OXR1: variants seen among roughly 807,000 people sequenced by gnomAD.
OXR1 encodes oxidation resistance protein 1.
OXR1 carries 41 observed loss-of-function variants against 104.6 expected under a neutral mutation model. That is an observed-to-expected ratio of 0.39 (90% CI 0.31 to 0.51). The LOEUF (loss-of-function observed/expected upper bound fraction) is 0.51, where lower values mean the gene tolerates loss of function less well. Among genes scored for constraint, OXR1 ranks in the 20% least tolerant of loss-of-function variants. The pLI is 0.77. For missense variants in OXR1, 955 were observed against 1,031.9 expected (o/e 0.93, Z 1.02); for synonymous variants, 348 against 348.4 (o/e 1.00, Z 0.01).
At chr8:106,280,530 A>G (rs908231651) in intron 1 of OXR1, among the ~76,000 whole-genome samples, 1 of 152,114 alleles carries the variant, frequency 6.6e-6, no homozygotes, top group East Asian at 1.9e-4. Flanking sequence ...CTCTGACTCA[A>G]ATTCATAGAG....
chr8:106,436,461 T>A (rs1280689329), intron 2 of OXR1, among the ~76,000 whole-genome samples: 5 of 151,732 alleles, frequency 3.3e-5, no homozygotes, highest in Non-Finnish European at 7.4e-5. Flanking sequence ...AAGAGTTTTA[T>A]GAATATGAGC....
intron 3 of OXR1, among the ~76,000 whole-genome samples, chr8:106,547,142 G>GCCT (rs1295157330): frequency 1.3e-5 from 2 of 152,106 alleles, no homozygotes; most frequent in Non-Finnish European, 2.9e-5. Flanking sequence ...ACCCGCCTCA[G>GCCT]CCTCCCAAAG....
chr8:106,707,543 T>A (rs1406237176), intron 9 of OXR1: 4 of 307,196 alleles, frequency 1.3e-5, no homozygotes. Flanking sequence ...GCCAAAGTTG[T>A]AATCCCATCT....
At chr8:106,426,614 A>G (rs1252002918) in intron 2 of OXR1, among the ~76,000 whole-genome samples, 1 of 152,196 alleles carries the variant, frequency 6.6e-6, no homozygotes, top group African/African-American at 2.4e-5. Context: ...TGAAGACCCT[A>G]GATACAGGTT....
chr8:106,474,032 C>T (rs1052747817), intron 2 of OXR1, among the ~76,000 whole-genome samples: 5 of 144,926 alleles, frequency 3.5e-5, no homozygotes, highest in East Asian at 4.0e-4. Context: ...CACACACACA[C>T]ACACACACAC....
chr8:106,583,370 T>TTGCTAAACACTTAACC (rs1406779330), intron 3 of OXR1, among the ~76,000 whole-genome samples: 18 of 152,304 alleles, frequency 1.2e-4, no homozygotes, highest in African/African-American at 4.3e-4. Context: ...AAGCCAATGC[T>TTGCTAAACACTTAACC]TGCTAAACAC....
chr8:106,467,457 C>A (rs373673835), intron 2 of OXR1, among the ~76,000 whole-genome samples: 1 of 151,790 alleles, frequency 6.6e-6, no homozygotes, highest in East Asian at 1.9e-4. Context: ...GAGCTTTATT[C>A]CTGGTGGCTT....
At chr8:106,640,827 C>T (rs1299022951) in intron 3 of OXR1, among the ~76,000 whole-genome samples, 1 of 152,044 alleles carries the variant, frequency 6.6e-6, no homozygotes, top group Non-Finnish European at 1.5e-5. Flanking sequence ...TTAACAAATA[C>T]ACCCTATGTT....
intron 1 of OXR1, among the ~76,000 whole-genome samples, chr8:106,299,847 G>T (rs1016373518): frequency 1.3e-5 from 2 of 152,116 alleles, no homozygotes; most frequent in African/African-American, 2.4e-5. Flanking sequence ...ACACATTGAT[G>T]AAGGACTATA....
chr8:106,507,663 AGACTTGAAGTGATGT>A (rs1812260122), intron 2 of OXR1, among the ~76,000 whole-genome samples: 1 of 152,182 alleles, frequency 6.6e-6, no homozygotes, highest in African/African-American at 2.4e-5. Context: ...ACAGAGAAAC[AGACTTGAAGTGATGT>A]GAAGTGTTTG....
intron 3 of OXR1, among the ~76,000 whole-genome samples, chr8:106,564,672 A>T (rs1816943361): frequency 6.6e-6 from 1 of 152,058 alleles, no homozygotes; most frequent in East Asian, 1.9e-4. Flanking sequence ...CTGGCAGAGA[A>T]AAAACATAAA....
intron 3 of OXR1, among the ~76,000 whole-genome samples, chr8:106,578,263 T>G (rs1817994822): frequency 6.6e-6 from 1 of 152,216 alleles, no homozygotes; most frequent in Admixed American, 6.5e-5. Context: ...CCTGAGTCAG[T>G]AGCTGTTTTC....
chr8:106,372,384 T>C (rs1816746745), intron 2 of OXR1, among the ~76,000 whole-genome samples: 1 of 151,888 alleles, frequency 6.6e-6, no homozygotes, highest in South Asian at 2.1e-4. Context: ...TGGTTGCTGG[T>C]AAAGAATTCA....
intron 3 of OXR1, among the ~76,000 whole-genome samples, chr8:106,530,129 C>T (rs894291961): frequency 6.6e-6 from 1 of 152,152 alleles, no homozygotes; most frequent in African/African-American, 2.4e-5. Context: ...GCGATTTGAA[C>T]AGTGAAGTAA....
rs1815569257 is a variant in OXR1 at position 106,548,719 on chromosome 8, A to G, written c.220+29580A>G. ...ATGAAGTAGTTTGGAGGGAATGGCT[A>G]CATATAAAGGAGTGCTCAGCATATT... On this transcript the variant is annotated intron_variant, in intron 3 of 16. Transcript: ENST00000517566. 2.6e-5 allele frequency among the ~76,000 whole-genome samples: 4 copies of G among 152,218 alleles called. No individual in the cohort carries two copies. In the South Asian group the frequency reaches 8.3e-4, roughly 32 times the overall value.
Position 106,747,383 on chromosome 8 carries a change from C to T in OXR1, c.2486+1521C>T, listed in dbSNP as rs28924695. On this transcript the variant is annotated intron_variant, in intron 16 of 16. Coordinates refer to ENST00000517566, the MANE Select transcript of OXR1 (RefSeq NM_001198533.2). ...ACTGATAGCCACCTAAACTGATAGC[C>T]ACCTTTACTCATTTTCTTTCATCCA... Among the ~76,000 whole-genome samples, 34 of 152,296 alleles carry T rather than the reference C, an allele frequency of 2.2e-4. No homozygotes were observed. The East Asian group carries it at 6.0e-3, about 27-fold the overall frequency.
At chr8:106,402,809 T>G (rs1818052404) in intron 2 of OXR1, among the ~76,000 whole-genome samples, 1 of 152,020 alleles carries the variant, frequency 6.6e-6, no homozygotes. Context: ...TCCTATTTCT[T>G]TCTTTCTTTC....
At chr8:106,505,762 T>C (rs1402230252) in intron 2 of OXR1, among the ~76,000 whole-genome samples, 1 of 152,164 alleles carries the variant, frequency 6.6e-6, no homozygotes, top group Admixed American at 6.5e-5. Context: ...TCAAGGCAAC[T>C]AGGACATGGG....
chr8:106,321,515 C>T (rs529969076), intron 1 of OXR1, among the ~76,000 whole-genome samples: 51 of 152,164 alleles, frequency 3.4e-4, no homozygotes, highest in African/African-American at 1.2e-3. Context: ...ACAGATGGGC[C>T]AAACAGCCCT....
Sources: allele counts gnomAD v4.1 joint callset (sites outside exome capture counted in the v4.1 genomes callset), GRCh38; gene constraint gnomAD v4.1.1; transcripts MANE v1.5; gene names NCBI Gene and HGNC (gene_info 2026-07-23, HGNC 2026-07-21).